KIF27: variants seen among roughly 807,000 people sequenced by gnomAD.
KIF27 encodes the protein kinesin-like protein KIF27.
Under a neutral mutation model 141.8 loss-of-function variants are expected in KIF27, and 84 were observed. The ratio of observed to expected loss-of-function variants is 0.59; its 90% confidence interval spans 0.50 to 0.71. The LOEUF is 0.71. Ranked by LOEUF, KIF27 falls within the 30% of genes least tolerant of loss-of-function variation. KIF27 has a pLI of 0.00. For missense variants in KIF27, 1,306 were observed against 1,628.4 expected (o/e 0.80, Z 3.41); for synonymous variants, 471 against 569.5 (o/e 0.83, Z 2.46).
chr9:83,918,090 G>A (rs1441323983), intron 1 of KIF27, among the ~76,000 whole-genome samples: 1 of 152,094 alleles, frequency 6.6e-6, no homozygotes, highest in Non-Finnish European at 1.5e-5. Flanking sequence ...GCAATATAGT[G>A]AGACGCCATG....
At chr9:83,879,994 T>C (rs895216387) in intron 11 of KIF27, 10 of 508,894 alleles carry the variant, frequency 2.0e-5, no homozygotes, top group African/African-American at 5.7e-5. Context: ...ATAGGTATTA[T>C]TTAGAAAGTT....
rs1947647406 is a variant in KIF27, at chr9:83,848,109, C to CTGAT, written c.3556+1989_3556+1990insATCA. On this transcript the variant is annotated intron_variant, in intron 16 of 17. Transcript: ENST00000297814. ...CATATATATGATATATATGATATCT[C>CTGAT]ATATCTGATATATCTGATATCTCAT... Among the ~76,000 whole-genome samples, 109 of 24,504 alleles carry CTGAT rather than the reference C, an allele frequency of 4.4e-3. 29 individuals carry two copies. Among genetic ancestry groups the CTGAT allele is most frequent in the Non-Finnish European group, 6.0e-3 (87 of 14,440 alleles). 16.1% of individuals were successfully genotyped at this position (24,504 alleles called of 152,430 possible).
At chr9:83,890,441 T>C (rs2990934) in intron 6 of KIF27, among the ~76,000 whole-genome samples, 2 of 152,232 alleles carry the variant, frequency 1.3e-5, no homozygotes, top group Non-Finnish European at 2.9e-5. Flanking sequence ...CTAGTTTTCT[T>C]TTGTGAGAGT....
In KIF27 at chr9:83,845,934, A is replaced by C. The variant is rs561917074; in HGVS notation, c.3557-3533T>G. On this transcript the variant is annotated intron_variant, in intron 16 of 17. Transcript: ENST00000297814. ...CACCAACGGATGACCTCAGCAGAGG[A>C]GGATTTTAATAATCAAGTGGATATG... Among the ~76,000 whole-genome samples, 289 of 152,310 alleles carry C rather than the reference A, an allele frequency of 1.9e-3. 2 individuals carry two copies. Among genetic ancestry groups the C allele is most frequent in the African/African-American group, 6.5e-3 (270 of 41,568 alleles).
intron 14 of KIF27, among the ~76,000 whole-genome samples, chr9:83,857,711 TTC>T (rs1949399750): frequency 1.3e-5 from 2 of 152,196 alleles, no homozygotes; most frequent in African/African-American, 2.4e-5. Flanking sequence ...TAAAACGGAC[TTC>T]TTTCTTGTAT....
intron 16 of KIF27, among the ~76,000 whole-genome samples, chr9:83,848,209 ATATATAT>A (rs1476718446): frequency 3.4e-4 from 16 of 47,350 alleles, no homozygotes; most frequent in Admixed American, 1.8e-4. Flanking sequence ...ATCAGATATG[ATATATAT>A]GATATATCAG....
chr9:83,883,957 A>C lies in KIF27; in HGVS notation c.2301T>G (p.Asp767Glu). 5.6e-6 allele frequency: 9 copies of C among 1,613,758 alleles called. No homozygotes were observed. The highest frequency in any genetic ancestry group is 7.6e-6 in the Non-Finnish European group (9 of 1,179,772). Residue 767 changes from aspartate to glutamate, a missense_variant, in exon 10 of 18, where the codon GAT (aspartate) becomes GAG (glutamate). By Grantham distance (45) the Asp-to-Glu change is conservative (BLOSUM62 2). Transcript: ENST00000297814. ...YSLKVTKLEH[D>E]AEQAKVELIE... ...TCAGTTCGACTTTTGCCTGTTCTGC[A>C]TCATGCTCTAGCTTTGTTACTTTCA...
At chr9:83,891,664 C>G (rs1952695312) in intron 5 of KIF27, among the ~76,000 whole-genome samples, 163 bp from the exon 6 acceptor site, 1 of 152,118 alleles carries the variant, frequency 6.6e-6, no homozygotes, top group South Asian at 2.1e-4. Flanking sequence ...AAGTAACTAA[C>G]ATTGTTCTGA....
At chr9:83,843,796 T>C (rs1030371464) in intron 16 of KIF27, among the ~76,000 whole-genome samples, 8 of 152,302 alleles carry the variant, frequency 5.3e-5, no homozygotes, top group East Asian at 3.9e-4. Flanking sequence ...AATCATGGCT[T>C]ACTACAGCTT....
chr9:83,911,687 G>A (rs1196878678), intron 2 of KIF27, among the ~76,000 whole-genome samples: 1 of 152,010 alleles, frequency 6.6e-6, no homozygotes, highest in African/African-American at 2.4e-5. Context: ...GATTACAGGC[G>A]CACACCACCA....
chr9:83,921,002 G>A (rs1325968923), intron 1 of KIF27, among the ~76,000 whole-genome samples: 4 of 152,136 alleles, frequency 2.6e-5, no homozygotes, highest in Non-Finnish European at 5.9e-5. Context: ...GCCGTGCAGC[G>A]ACACGAGACG....
intron 11 of KIF27, among the ~76,000 whole-genome samples, chr9:83,877,887 T>C (rs1951331033): frequency 6.6e-6 from 1 of 151,878 alleles, no homozygotes; most frequent in African/African-American, 2.4e-5. Flanking sequence ...GAACAGCCAA[T>C]AAGCACATGA....
rs961934400 is a variant in KIF27, at chr9:83,842,476, T to G, written c.3557-75A>C. ...AAATTATGTTTTTGTTTGTTTGTTT[T>G]TTTTGAGACGGAGTCTCGCACTGTC... On this transcript the variant is annotated intron_variant, in intron 16 of 17. Transcript: ENST00000297814. 6.2e-5 allele frequency: 90 copies of G among 1,456,616 alleles called. 1 individual carries two copies. The highest frequency in any genetic ancestry group is 1.5e-4 in the African/African-American group (10 of 67,928). The allele number at this position is 1,456,616 out of a possible 1,614,324, so 90.2% of individuals were successfully genotyped here.
rs757170804 is a variant in KIF27 at position 83,870,676 on chromosome 9, G to C, written c.2644-44C>G. On this transcript the variant is annotated intron_variant, in intron 11 of 17. Transcript: ENST00000297814. ...AAAACACCTTATTGCTTTTACACCT[G>C]ACCATTAAGTATGCTGATGACAATT... 4.4e-6 allele frequency: 7 copies of C among 1,583,152 alleles called. No homozygotes were observed. In the African/African-American group the frequency reaches 9.6e-5, roughly 22 times the overall value.
intron 3 of KIF27, 26 bp downstream of exon 3, chr9:83,908,426 G>C: frequency 7.0e-7 from 1 of 1,419,810 alleles, no homozygotes; most frequent in South Asian, 1.3e-5. Context: ...GCTAATGAAG[G>C]CAACTGATTA....
chr9:83,842,534 C>T (rs1328778191), intron 16 of KIF27, 133 bp from the exon 17 acceptor site: 18 of 1,174,588 alleles, frequency 1.5e-5, no homozygotes, highest in Middle Eastern at 3.1e-4. Flanking sequence ...GTGATATGCT[C>T]GGCTCACTGT....
At chr9:83,891,699 G>C (rs1277060242) in intron 5 of KIF27, among the ~76,000 whole-genome samples, 198 bp from the exon 6 acceptor site, 1 of 152,078 alleles carries the variant, frequency 6.6e-6, no homozygotes, top group Non-Finnish European at 1.5e-5. Flanking sequence ...TTAATAGTAA[G>C]GAGCAACAAA....
intron 3 of KIF27, among the ~76,000 whole-genome samples, chr9:83,907,443 T>C (rs3908743): frequency 6.6e-6 from 1 of 152,060 alleles, no homozygotes; most frequent in Non-Finnish European, 1.5e-5. Context: ...TTCTTCCTTA[T>C]ACTTTCCTGT....
At chr9:83,918,825 C>T (rs938665761) in intron 1 of KIF27, among the ~76,000 whole-genome samples, 2 of 152,252 alleles carry the variant, frequency 1.3e-5, no homozygotes, top group South Asian at 4.2e-4. Flanking sequence ...CCTGTAATCC[C>T]AGCATTTTGG....
Sources: gnomAD v4.1 joint callset for allele counts (sites outside exome capture counted in the v4.1 genomes callset) on GRCh38, gnomAD v4.1.1 for gene constraint, MANE v1.5 for transcripts, NCBI Gene and HGNC (gene_info 2026-07-23, HGNC 2026-07-21) for gene names.